The following AUTS2 variants were observed in gnomAD, a reference collection of about 807,000 sequenced individuals.
The protein encoded by AUTS2 is activator of transcription and developmental regulator AUTS2, also known as autism susceptibility gene 2 protein.
AUTS2 carries 17 observed loss-of-function variants against 112.4 expected under a neutral mutation model. The ratio of observed to expected loss-of-function variants is 0.15; its 90% CI spans 0.10 to 0.23. The LOEUF (loss-of-function observed/expected upper bound fraction) is 0.23. Among genes scored for constraint, AUTS2 ranks in the 10% least tolerant of loss-of-function variants. The pLI, the probability that AUTS2 is intolerant of heterozygous loss-of-function variation, is 1.00. For missense variants in AUTS2, 1,510 were observed against 1,701.6 expected (o/e 0.89, Z 1.98); for synonymous variants, 751 against 702.7 (o/e 1.07, Z -1.09).
chr7:69,680,849 T>C (rs768554989), intron 1 of AUTS2, among the ~76,000 whole-genome samples: 5 of 152,156 alleles, frequency 3.3e-5, no homozygotes, highest in Non-Finnish European at 7.3e-5. Context: ...TTTGTATTTT[T>C]AGTAGAGACA....
intron 4 of AUTS2, among the ~76,000 whole-genome samples, chr7:70,263,023 T>C (rs1787244117): frequency 6.6e-6 from 1 of 152,222 alleles, no homozygotes; most frequent in Non-Finnish European, 1.5e-5. Context: ...GTTTTATTTT[T>C]TGCCCTGTGT....
At chr7:69,851,490 T>C (rs1584340105) in intron 1 of AUTS2, among the ~76,000 whole-genome samples, 1 of 151,992 alleles carries the variant, frequency 6.6e-6, no homozygotes, top group Non-Finnish European at 1.5e-5. Context: ...ACACAAGCAA[T>C]CCCCCCACCT....
intron 4 of AUTS2, among the ~76,000 whole-genome samples, chr7:70,205,641 G>C (rs1322901437): frequency 6.6e-6 from 1 of 152,182 alleles, no homozygotes; most frequent in Non-Finnish European, 1.5e-5. Flanking sequence ...GTGTATAGCA[G>C]ACTGTACAAT....
intron 4 of AUTS2, among the ~76,000 whole-genome samples, chr7:70,150,022 A>G (rs1273688845): frequency 6.6e-6 from 1 of 152,112 alleles, no homozygotes; most frequent in African/African-American, 2.4e-5. Context: ...AAACTGATAA[A>G]GAAGACTTAC....
intron 4 of AUTS2, among the ~76,000 whole-genome samples, chr7:70,393,162 A>G (rs989037985): frequency 1.3e-5 from 2 of 152,146 alleles, no homozygotes; most frequent in African/African-American, 4.8e-5. Context: ...AGCCCCATTC[A>G]TGTCCTCCAG....
intron 5 of AUTS2, among the ~76,000 whole-genome samples, chr7:70,439,775 T>C (rs1387096817): frequency 1.3e-5 from 2 of 152,310 alleles, no homozygotes; most frequent in Non-Finnish European, 1.5e-5. Context: ...GCCTATATTT[T>C]ATTGTTTCCT....
intron 5 of AUTS2, among the ~76,000 whole-genome samples, chr7:70,486,254 C>T (rs947231180): frequency 2.6e-5 from 4 of 152,198 alleles, no homozygotes; most frequent in Non-Finnish European, 4.4e-5. Flanking sequence ...GCTAGTCAGG[C>T]TGCTGAGGCT....
intron 1 of AUTS2, among the ~76,000 whole-genome samples, chr7:69,659,939 C>G (rs758052522): frequency 1.3e-5 from 2 of 152,054 alleles, no homozygotes; most frequent in Non-Finnish European, 2.9e-5. Context: ...AGTTGTTAAC[C>G]CTTTTGATCA....
chr7:70,304,471 C>T (rs1789394573), intron 4 of AUTS2, among the ~76,000 whole-genome samples: 1 of 152,134 alleles, frequency 6.6e-6, no homozygotes, highest in Admixed American at 6.5e-5. Context: ...GCAGTGTCGG[C>T]ATCAATAGGG....
intron 5 of AUTS2, among the ~76,000 whole-genome samples, chr7:70,531,040 C>T (rs943994106): frequency 6.4e-5 from 6 of 93,888 alleles, no homozygotes; most frequent in African/African-American, 3.4e-4. Flanking sequence ...GCAGCTGTGA[C>T]AGACTGTAAG....
intron 2 of AUTS2, among the ~76,000 whole-genome samples, chr7:70,057,753 C>T (rs1449028598): frequency 6.6e-6 from 1 of 152,172 alleles, no homozygotes; most frequent in Non-Finnish European, 1.5e-5. Context: ...AGTTATTATA[C>T]ATAAAATGCC....
intron 1 of AUTS2, among the ~76,000 whole-genome samples, chr7:69,611,762 C>T (rs912027381): frequency 2.7e-5 from 4 of 150,556 alleles, no homozygotes; most frequent in South Asian, 4.3e-4. Context: ...AACCCCGTCT[C>T]TACTAAAAAT....
At chr7:70,069,714 T>G (rs1245798600) in intron 2 of AUTS2, among the ~76,000 whole-genome samples, 12 of 151,532 alleles carry the variant, frequency 7.9e-5, no homozygotes, top group East Asian at 1.9e-4. Flanking sequence ...TTTTGTTTTT[T>G]TTTTTTTCCT....
At chr7:70,297,670 G>A (rs1382421098) in intron 4 of AUTS2, among the ~76,000 whole-genome samples, 1 of 151,828 alleles carries the variant, frequency 6.6e-6, no homozygotes, top group Non-Finnish European at 1.5e-5. Context: ...TCCTGACCTC[G>A]TGATCCTCCC....
intron 4 of AUTS2, among the ~76,000 whole-genome samples, chr7:70,268,270 C>G (rs927192980): frequency 1.3e-5 from 2 of 152,100 alleles, no homozygotes; most frequent in African/African-American, 4.8e-5. Context: ...AAACTGTGTG[C>G]CTTTGACTAA....
chr7:70,753,165 A>C (rs1788975791), intron 6 of AUTS2, among the ~76,000 whole-genome samples: 2 of 152,100 alleles, frequency 1.3e-5, no homozygotes, highest in African/African-American at 4.8e-5. Context: ...ACTAGATGAT[A>C]GCCAAACTAG....
intron 4 of AUTS2, among the ~76,000 whole-genome samples, chr7:70,392,416 C>A (rs1793906521): frequency 6.6e-6 from 1 of 152,098 alleles, no homozygotes; most frequent in Non-Finnish European, 1.5e-5. Flanking sequence ...TTGCTGTGTT[C>A]TTCCTTGCAA....
At chr7:70,448,461 G>A (rs965206675) in intron 5 of AUTS2, among the ~76,000 whole-genome samples, 1 of 152,074 alleles carries the variant, frequency 6.6e-6, no homozygotes, top group African/African-American at 2.4e-5. Context: ...TCCCCTCCTT[G>A]GGCTCACAAG....
At chr7:70,301,036 A>G (rs1435162271) in intron 4 of AUTS2, among the ~76,000 whole-genome samples, 2 of 152,186 alleles carry the variant, frequency 1.3e-5, no homozygotes, top group Non-Finnish European at 2.9e-5. Context: ...TGTTAGTTAG[A>G]ATTACATTTT....
Sources: gnomAD v4.1 joint callset for allele counts (sites outside exome capture counted in the v4.1 genomes callset) on GRCh38, gnomAD v4.1.1 for gene constraint, MANE v1.5 for transcripts, NCBI Gene and HGNC (gene_info 2026-07-23, HGNC 2026-07-21) for gene names.